The following PRXL2A variants were observed in gnomAD, a reference collection of about 807,000 sequenced individuals.
PRXL2A encodes peroxiredoxin like 2A.
PRXL2A carries 26 observed loss-of-function variants against 25.6 expected under a neutral mutation model. That is an observed-to-expected ratio of 1.02 (90% confidence interval 0.74 to 1.41). The LOEUF (loss-of-function observed/expected upper bound fraction) is 1.41. Ranked by LOEUF, PRXL2A falls within the 40% of genes most tolerant of loss-of-function variation. The pLI, the probability that PRXL2A is intolerant of heterozygous loss-of-function variation, is 0.00. For synonymous variants in PRXL2A, 98 were observed against 102.9 expected, an observed-to-expected ratio of 0.95 and a Z score of 0.29; for missense variants, 246 against 273.9, an observed-to-expected ratio of 0.90 and a Z score of 0.72.
At position 80,432,252 on chromosome 10, in the gene PRXL2A, C is replaced by T; in HGVS notation, c.*153C>T. ...AATGTATTTTAATATTCTGTTTAGG[C>T]CCACTAAGGCAAAATAGCCCCAAAA... On this transcript the variant is annotated 3_prime_UTR_variant, in exon 6 of 6. Transcript: ENST00000606162. 2 of 536,354 alleles carry T rather than the reference C, an allele frequency of 3.7e-6. No individual in the cohort carries two copies. The highest frequency in any genetic ancestry group is 6.4e-6 in the Non-Finnish European group (2 of 310,626). 33.2% of individuals were successfully genotyped at this position (536,354 alleles called of 1,614,324 possible).
intron 1 of PRXL2A, among the ~76,000 whole-genome samples, chr10:80,419,434 G>A (rs996704528): frequency 1.3e-5 from 2 of 149,784 alleles, no homozygotes; most frequent in Non-Finnish European, 3.0e-5. Context: ...CAGCACCCCC[G>A]AGAAGCTGGG....
rs151212268 is a variant in PRXL2A at position 80,426,398 on chromosome 10, CA to C, written c.411+394del. 4.4e-4 allele frequency among the ~76,000 whole-genome samples: 67 copies of C among 152,284 alleles called. No individual in the cohort carries two copies. In the East Asian group the frequency reaches 9.4e-3, roughly 21 times the overall value. ...TAGGATTGTGTTACATGATTTTATT[CA>C]ACTGTAGGTTAATAAGAGTGTTCTG... On this transcript the variant is annotated intron_variant, in intron 4 of 5. Transcript: ENST00000606162.
At chr10:80,427,636 G>A in intron 5 of PRXL2A, 140 bp downstream of exon 5, 2 of 735,216 alleles carry the variant, frequency 2.7e-6, no homozygotes, top group Non-Finnish European at 4.5e-6. Flanking sequence ...GGAACATGAA[G>A]AAGGGAAGGG....
chr10:80,427,102 C>A (rs143494952), intron 4 of PRXL2A, among the ~76,000 whole-genome samples: 192 of 148,794 alleles, frequency 1.3e-3, no homozygotes, highest in Non-Finnish European at 5.6e-4. Flanking sequence ...GAGATCGCGC[C>A]GTTGTACTCT....
At chr10:80,423,867 G>T (rs964839828) in intron 3 of PRXL2A, among the ~76,000 whole-genome samples, 1 of 152,176 alleles carries the variant, frequency 6.6e-6, no homozygotes, top group Non-Finnish European at 1.5e-5. Flanking sequence ...GCGGAATCTG[G>T]TTGCATTCCT....
At chr10:80,417,250 T>C (rs1473392346) in intron 1 of PRXL2A, among the ~76,000 whole-genome samples, 1 of 152,222 alleles carries the variant, frequency 6.6e-6, no homozygotes, top group Admixed American at 6.5e-5. Flanking sequence ...TAATTAGATA[T>C]AGGGAGTATG....
chr10:80,417,759 T>C (rs199894205), intron 1 of PRXL2A, among the ~76,000 whole-genome samples: 2 of 9,308 alleles, frequency 2.1e-4, no homozygotes, highest in Non-Finnish European at 3.2e-4. Context: ...TTTTTTTTTG[T>C]TTTTTTTTTT....
At chr10:80,419,939 G>T in intron 1 of PRXL2A, 4 of 982,326 alleles carry the variant, frequency 4.1e-6, no homozygotes, top group Non-Finnish European at 4.8e-6. Flanking sequence ...GTTTTTGGAG[G>T]GTCGTCAAAC....
At chr10:80,426,096 G>A (rs1258301662) in intron 4 of PRXL2A, 90 bp downstream of exon 4, 1 of 1,525,360 alleles carries the variant, frequency 6.6e-7, no homozygotes, top group African/African-American at 1.4e-5. Context: ...GTCTGGCCTG[G>A]AGCTGGAGGC....
At position 80,426,022 on chromosome 10, in the gene PRXL2A, G is replaced by C; in HGVS notation, c.411+16G>C. 6.2e-7 allele frequency: 1 copy of C among 1,614,084 alleles called. No homozygotes were observed. Among genetic ancestry groups the C allele is most frequent in the South Asian group, 1.1e-5 (1 of 91,072 alleles). ...GGATGAAAAGGTGTGTGTGATGGGA[G>C]GCTTTTAGACACAGACTGCTGGGGA... is the stretch of plus-strand genomic sequence containing the variant. On this transcript the variant is annotated intron_variant, in intron 4 of 5. Coordinates refer to ENST00000606162, the MANE Select transcript of PRXL2A (RefSeq NM_032333.5).
At chr10:80,422,624 G>T in intron 3 of PRXL2A, 116 bp downstream of exon 3, 7 of 657,410 alleles carry the variant, frequency 1.1e-5, no homozygotes, top group East Asian at 2.8e-5. Flanking sequence ...CACATGTTCT[G>T]TTCTGTTATT....
At chr10:80,410,651 C>T (rs984776956) in intron 1 of PRXL2A, among the ~76,000 whole-genome samples, 11 of 152,222 alleles carry the variant, frequency 7.2e-5, no homozygotes, top group Admixed American at 2.6e-4. Flanking sequence ...TTAAAGTGCC[C>T]TTGTTTTTAA....
intron 1 of PRXL2A, chr10:80,409,092 C>G: frequency 1.0e-6 from 1 of 985,166 alleles, no homozygotes. Context: ...AGTCCTCGTC[C>G]TCGTCTCTGT....
rs531591727 is a variant in PRXL2A, at chr10:80,433,044, A to G, written c.*945A>G. ...GATAAAACTAATAATTATATTTACC[A>G]TATAATTGGCTGAAAGTAAAAAAAG... On this transcript the variant is annotated 3_prime_UTR_variant, in exon 6 of 6. Coordinates refer to ENST00000606162, the MANE Select transcript of PRXL2A (RefSeq NM_032333.5). The G allele has an allele frequency of 3.3e-5, 5 of 152,344 alleles. No individual in the cohort carries two copies. The highest frequency in any genetic ancestry group is 1.2e-4 in the African/African-American group (5 of 41,582). The allele number at this position is 152,344 out of a possible 1,614,324, so 9.4% of individuals were successfully genotyped here.
intron 1 of PRXL2A, among the ~76,000 whole-genome samples, chr10:80,416,687 T>C (rs542760971): frequency 6.6e-6 from 1 of 152,228 alleles, no homozygotes; most frequent in African/African-American, 2.4e-5. Flanking sequence ...CTCGTGACTT[T>C]ACTTTATTCT....
chr10:80,413,688 TG>T, intron 1 of PRXL2A: 1 of 199,592 alleles, frequency 5.0e-6, no homozygotes, highest in Non-Finnish European at 9.1e-6. Context: ...AGATGTTTTC[TG>T]GAGACTGACT....
At chr10:80,414,214 C>A (rs1456976700) in intron 1 of PRXL2A, among the ~76,000 whole-genome samples, 3 of 152,202 alleles carry the variant, frequency 2.0e-5, no homozygotes, top group Non-Finnish European at 4.4e-5. Flanking sequence ...TCTGAGCTGC[C>A]ACAGCTGTTG....
intron 5 of PRXL2A, among the ~76,000 whole-genome samples, chr10:80,429,534 T>G (rs1178129890): frequency 2.3e-5 from 3 of 128,624 alleles, no homozygotes; most frequent in African/African-American, 5.7e-5. Context: ...GGCCCGGCCC[T>G]GCCCTGCCCC....
chr10:80,414,701 C>G (rs904679597), intron 1 of PRXL2A, among the ~76,000 whole-genome samples: 1 of 152,194 alleles, frequency 6.6e-6, no homozygotes, highest in Non-Finnish European at 1.5e-5. Context: ...CCTGCTGGCT[C>G]TGTGACACAG....
Sources: gnomAD v4.1 joint callset for allele counts (sites outside exome capture counted in the v4.1 genomes callset) on GRCh38, gnomAD v4.1.1 for gene constraint, MANE v1.5 for transcripts, NCBI Gene and HGNC (gene_info 2026-07-23, HGNC 2026-07-21) for gene names.